PASD1: variants seen among roughly 807,000 people sequenced by gnomAD.
PASD1 encodes the protein PAS domain containing repressor 1.
A neutral mutation model predicts 58.8 loss-of-function variants in PASD1; 13 were observed. That is an observed-to-expected ratio of 0.22 (90% CI 0.14 to 0.35). The LOEUF (loss-of-function observed/expected upper bound fraction) is 0.35. PASD1 is among the 10% of genes least tolerant of loss of function. PASD1 has a pLI of 1.00. For missense variants in PASD1, 734 were observed against 568.3 expected (o/e 1.29, Z -2.96); for synonymous variants, 236 against 216.7 (o/e 1.09, Z -0.78).
In PASD1 at chrX:151,671,044, C is replaced by A; in HGVS notation, c.1078C>A (p.Gln360Lys). The part of the protein sequence containing the change: ...GAAGASAQPL[Q>K]PSSPVAYDII... ...AAGTAATTCCTCCCCACAGCCATTA[C>A]AGCCATCATCACCAGTTGCATATGA... Residue 360 changes from glutamine (Q) to lysine (K), a missense_variant, in exon 12 of 16, where the codon CAG (glutamine) becomes AAG (lysine). By Grantham distance (53) the Gln-to-Lys change is moderately conservative (BLOSUM62 1). Coordinates refer to ENST00000370357, the MANE Select transcript of PASD1 (RefSeq NM_173493.3). 8.3e-7 allele frequency: 1 copy of A among 1,209,818 alleles called. No individual in the cohort carries two copies. Among genetic ancestry groups the A allele is most frequent in the Non-Finnish European group, 1.1e-6 (1 of 894,477 alleles).
chrX:151,629,766 A>G (rs1247719072), intron 8 of PASD1, among the ~76,000 whole-genome samples: 1 of 112,361 alleles, frequency 8.9e-6, no homozygotes, highest in Non-Finnish European at 1.9e-5. Flanking sequence ...ACTTAAACAT[A>G]TTCTTGCATG....
chrX:151,598,745 C>T (rs1438080652), intron 1 of PASD1, among the ~76,000 whole-genome samples: 3 of 111,878 alleles, frequency 2.7e-5, no homozygotes, highest in East Asian at 5.6e-4. Context: ...TCTTTGTCCA[C>T]ATCTATTTGA....
intron 8 of PASD1, among the ~76,000 whole-genome samples, chrX:151,628,734 A>G (rs1156259999): frequency 9.0e-6 from 1 of 111,725 alleles, no homozygotes. Context: ...GAAGAAAGTC[A>G]TTGGTAGCTT....
chrX:151,637,680 T>C (rs2013947797), intron 8 of PASD1, among the ~76,000 whole-genome samples: 1 of 111,810 alleles, frequency 8.9e-6, no homozygotes, highest in Non-Finnish European at 1.9e-5. Flanking sequence ...ATGGGAGTTA[T>C]TATTGCTTCA....
chrX:151,656,323 G>A (rs1207228055), intron 9 of PASD1, among the ~76,000 whole-genome samples: 1 of 111,823 alleles, frequency 8.9e-6, no homozygotes, highest in Non-Finnish European at 1.9e-5. Context: ...GCTTAGGATT[G>A]TCTTGGCAAT....
At chrX:151,667,626 G>A (rs368513619) in intron 11 of PASD1, among the ~76,000 whole-genome samples, 6 of 111,969 alleles carry the variant, frequency 5.4e-5, no homozygotes, top group Admixed American at 4.7e-4. Context: ...AGCACCATTT[G>A]TTAAATAGGG....
intron 11 of PASD1, 32 bp from the exon 12 acceptor site, chrX:151,671,006 A>C (rs1401230853): frequency 1.3e-5 from 16 of 1,195,893 alleles, no homozygotes; most frequent in Non-Finnish European, 1.8e-5. Context: ...CAGTGTTGCT[A>C]TACATGAACC....
At chrX:151,605,477 A>G (rs965572386) in intron 3 of PASD1, among the ~76,000 whole-genome samples, 2 of 111,633 alleles carry the variant, frequency 1.8e-5, no homozygotes, top group Non-Finnish European at 3.8e-5. Flanking sequence ...GGTGTGTGAG[A>G]AAGGCATTGT....
At chrX:151,650,632 C>G (rs1437369781) in intron 9 of PASD1, among the ~76,000 whole-genome samples, 1 of 111,399 alleles carries the variant, frequency 9.0e-6, no homozygotes, top group African/African-American at 3.3e-5. Flanking sequence ...TGCTTCCAGC[C>G]AAGATGGAGT....
At chrX:151,670,303 T>G (rs910992215) in intron 11 of PASD1, among the ~76,000 whole-genome samples, 2 of 111,940 alleles carry the variant, frequency 1.8e-5, no homozygotes, top group Non-Finnish European at 3.8e-5. Context: ...CTAGCAGCAG[T>G]GCCAGGTGAC....
intron 10 of PASD1, among the ~76,000 whole-genome samples, chrX:151,662,901 A>G (rs920418819): frequency 8.9e-6 from 1 of 112,030 alleles, no homozygotes; most frequent in African/African-American, 3.2e-5. Context: ...TTAGCTTTGC[A>G]GTATCCAGGC....
At chrX:151,613,010 C>T (rs113714903) in intron 4 of PASD1, among the ~76,000 whole-genome samples, 1 of 110,776 alleles carries the variant, frequency 9.0e-6, no homozygotes, top group Non-Finnish European at 1.9e-5. Flanking sequence ...TGTAAGGAAG[C>T]GATCCAGTTT....
intron 1 of PASD1, among the ~76,000 whole-genome samples, chrX:151,591,974 T>A (rs919048322): frequency 9.8e-5 from 11 of 112,195 alleles, no homozygotes; most frequent in Non-Finnish European, 2.1e-4. Context: ...TTATCATAAA[T>A]CAAATTTCAG....
intron 1 of PASD1, among the ~76,000 whole-genome samples, chrX:151,582,097 C>G (rs760864793): frequency 8.7e-4 from 93 of 106,387 alleles, no homozygotes; most frequent in African/African-American, 3.1e-3. Context: ...CGTGATTCAC[C>G]TGCCTCAGCC....
chrX:151,643,488 T>G (rs1223818075), intron 8 of PASD1, among the ~76,000 whole-genome samples: 1 of 111,552 alleles, frequency 9.0e-6, no homozygotes, highest in Admixed American at 9.5e-5. Context: ...ACATACACAT[T>G]TTGGTAATAG....
intron 1 of PASD1, among the ~76,000 whole-genome samples, chrX:151,571,326 C>T (rs997129230): frequency 1.8e-5 from 2 of 111,703 alleles, no homozygotes; most frequent in African/African-American, 6.5e-5. Flanking sequence ...AGTTTCCTCC[C>T]TGATCCTGAG....
chrX:151,668,400 C>T (rs1308553687), intron 11 of PASD1, among the ~76,000 whole-genome samples: 6 of 110,874 alleles, frequency 5.4e-5, no homozygotes, highest in Admixed American at 9.7e-5. Context: ...CTGCTGGATT[C>T]GGTTTGCCAG....
chrX:151,612,476 C>T (rs2013578014), intron 4 of PASD1, among the ~76,000 whole-genome samples: 1 of 109,931 alleles, frequency 9.1e-6, no homozygotes, highest in Non-Finnish European at 1.9e-5. Context: ...TCTCCAGCAC[C>T]TGTCGTTTCC....
chrX:151,612,109 G>A (rs1351197329), intron 4 of PASD1, among the ~76,000 whole-genome samples: 1 of 97,480 alleles, frequency 1.0e-5, no homozygotes, highest in African/African-American at 3.8e-5. Flanking sequence ...GAGAATGATG[G>A]TTTCCAGCTT....
Sources: gnomAD v4.1 joint callset for allele counts (sites outside exome capture counted in the v4.1 genomes callset) on GRCh38, gnomAD v4.1.1 for gene constraint, MANE v1.5 for transcripts, NCBI Gene and HGNC (gene_info 2026-07-23, HGNC 2026-07-21) for gene names.